The following ENTPD1 variants were observed in gnomAD, a reference collection of about 807,000 sequenced individuals.
ENTPD1 encodes ectonucleoside triphosphate diphosphohydrolase 1.
A neutral mutation model predicts 57.0 loss-of-function variants in ENTPD1; 33 were observed. The observed-to-expected ratio is 0.58, with a 90% CI of 0.44 to 0.77. ENTPD1 has a LOEUF of 0.77. Ranked by LOEUF, ENTPD1 falls within the 30% of genes least tolerant of loss-of-function variation. ENTPD1 has a pLI of 0.00. For missense variants in ENTPD1, 501 were observed against 603.4 expected (o/e 0.83, Z 1.78); for synonymous variants, 202 against 218.8 (o/e 0.92, Z 0.68).
chr10:95,712,092 A>T, intron 1 of ENTPD1: 1 of 1,551,922 alleles, frequency 6.4e-7, no homozygotes, highest in South Asian at 1.1e-5. Flanking sequence ...TTTCATCTCC[A>T]AAACCTTGAT....
chr10:95,850,600 C>T (rs552426644), intron 7 of ENTPD1, among the ~76,000 whole-genome samples: 9 of 152,278 alleles, frequency 5.9e-5, no homozygotes, highest in Middle Eastern at 3.4e-3. Flanking sequence ...AACATATCAA[C>T]TGGCTCACAA....
In ENTPD1 at chr10:95,839,805, A is replaced by G. The variant is rs146324431; in HGVS notation, c.259A>G (p.Lys87Glu). 11 of 1,613,926 alleles carry G rather than the reference A, an allele frequency of 6.8e-6. No individual in the cohort carries two copies. In the African/African-American group the frequency reaches 1.2e-4, roughly 18 times the overall value. Residue 87 changes from lysine to glutamate, a missense_variant, in exon 3 of 10, where the codon AAA becomes GAA. Coordinates refer to ENST00000371205, the MANE Select transcript of ENTPD1 (RefSeq NM_001776.6). ...VVHQVEECRVKGPGISKFVQK... is the reference protein window; with the variant it reads ...VVHQVEECRVEGPGISKFVQK... ...GCATCAAGTAGAAGAATGCAGGGTTAAAGGTAAGATGAAGACCAAGGGAAG... is the reference window on the plus strand; with the variant it reads ...GCATCAAGTAGAAGAATGCAGGGTTGAAGGTAAGATGAAGACCAAGGGAAG...
intron 1 of ENTPD1, among the ~76,000 whole-genome samples, chr10:95,772,365 A>G (rs1356336633): frequency 1.3e-5 from 2 of 152,252 alleles, no homozygotes; most frequent in Non-Finnish European, 2.9e-5. Context: ...ATTGGAGTCA[A>G]TCCTCCTCCA....
At chr10:95,736,272 G>A (rs958607356) in intron 1 of ENTPD1, among the ~76,000 whole-genome samples, 9 of 152,132 alleles carry the variant, frequency 5.9e-5, no homozygotes, top group African/African-American at 2.2e-4. Context: ...AAAGTGCTGG[G>A]ATTACAGATG....
chr10:95,758,106 C>T (rs1047659256), intron 1 of ENTPD1, among the ~76,000 whole-genome samples: 4 of 150,926 alleles, frequency 2.7e-5, no homozygotes, highest in Non-Finnish European at 4.4e-5. Context: ...CATCTCTGAA[C>T]GTCTGTCCCC....
At chr10:95,787,013 A>T (rs553816854) in intron 1 of ENTPD1, among the ~76,000 whole-genome samples, 3 of 152,308 alleles carry the variant, frequency 2.0e-5, no homozygotes, top group Admixed American at 2.0e-4. Context: ...AGAAAAGGTG[A>T]CTTACTCAAG....
chr10:95,873,943 C>A lies in ENTPD1; in HGVS notation c.*7560C>A, dbSNP rs1290603610. On this transcript the variant is annotated 3_prime_UTR_variant, in exon 10 of 10. Coordinates refer to ENST00000371205, the MANE Select transcript of ENTPD1 (RefSeq NM_001776.6). ...CGAGAATAGCACAGAAAAGACTGGC[C>A]TCCATGATTCAATTACCTCCCACTG... Among the ~76,000 whole-genome samples, 2 of 152,150 alleles carry A rather than the reference C, an allele frequency of 1.3e-5. No homozygotes were observed. The highest frequency in any genetic ancestry group is 1.5e-5 in the Non-Finnish European group (1 of 68,028).
intron 2 of ENTPD1, among the ~76,000 whole-genome samples, chr10:95,829,766 T>A (rs927012250): frequency 6.6e-6 from 1 of 152,088 alleles, no homozygotes; most frequent in African/African-American, 2.4e-5. Flanking sequence ...GAATGTTTGA[T>A]CCCTCCAAAA....
In ENTPD1 at chr10:95,730,840, G is replaced by C. The variant is rs184799521; in HGVS notation, c.37+18847G>C. Among the ~76,000 whole-genome samples the C allele has an allele frequency of 1.0e-3, 159 of 152,308 alleles. 2 individuals are homozygous for C. The East Asian group carries it at 0.023, about 22-fold the overall frequency. On this transcript the variant is annotated intron_variant, in intron 1 of 9. Transcript: ENST00000453258. ...GAAGGTATACTAATACCTCACACTT[G>C]TATAACCTTTGTGATTACAGAGCAT...
chr10:95,820,160 A>G (rs1263144490), intron 1 of ENTPD1, among the ~76,000 whole-genome samples: 2 of 152,220 alleles, frequency 1.3e-5, no homozygotes, highest in African/African-American at 4.8e-5. Flanking sequence ...GGATGTGATC[A>G]GGGCTTTTGA....
chr10:95,746,364 G>T (rs779397876), intron 1 of ENTPD1, among the ~76,000 whole-genome samples: 38 of 152,016 alleles, frequency 2.5e-4, no homozygotes, highest in Non-Finnish European at 4.4e-4. Context: ...GATACATTGG[G>T]GTTCAGAAGG....
chr10:95,852,093 C>T (rs374488723), intron 7 of ENTPD1, among the ~76,000 whole-genome samples: 22 of 151,916 alleles, frequency 1.4e-4, no homozygotes, highest in East Asian at 5.8e-4. Context: ...CAGCACCTGT[C>T]GTTTCCTGAC....
At chr10:95,855,619 T>C (rs2098453179) in intron 7 of ENTPD1, among the ~76,000 whole-genome samples, 3 of 152,224 alleles carry the variant, frequency 2.0e-5, no homozygotes, top group Admixed American at 6.5e-5. Flanking sequence ...GGAGCTCTTT[T>C]AGGGCAGGCC....
intron 1 of ENTPD1, among the ~76,000 whole-genome samples, chr10:95,737,057 A>G (rs1322867056): frequency 6.6e-6 from 1 of 152,232 alleles, no homozygotes; most frequent in Non-Finnish European, 1.5e-5. Flanking sequence ...GAGATAAAGT[A>G]GTGGAGCTAG....
chr10:95,703,080 C>A, the ENTPD1 span, among the ~76,000 whole-genome samples: 5 of 151,518 alleles, frequency 3.3e-5, no homozygotes, highest in Non-Finnish European at 4.4e-5. Context: ...CCACCGCGCC[C>A]GGCCTACACC....
upstream of ENTPD1, among the ~76,000 whole-genome samples, chr10:95,709,755 G>GTTTGT (rs111624937): frequency 1.3e-5 from 2 of 150,930 alleles, no homozygotes; most frequent in African/African-American, 4.9e-5. Context: ...GTTTTTTGTT[G>GTTTGT]TTGTTTGTTT....
chr10:95,723,081 G>A (rs1010672885), intron 1 of ENTPD1, among the ~76,000 whole-genome samples: 1 of 152,200 alleles, frequency 6.6e-6, no homozygotes, highest in South Asian at 2.1e-4. Context: ...TAGGAAGGCT[G>A]CGGGTTGTCA....
At position 95,765,279 on chromosome 10, in the gene ENTPD1, G is replaced by T. The variant is rs149326636; in HGVS notation, c.16+9024G>T. ...CTATTGCCTAATCCAAAGTCATGAA[G>T]ATATACATCTATATTTTCTTCAAAG... On this transcript the variant is annotated intron_variant, in intron 1 of 9. Coordinates refer to ENST00000371205, the MANE Select transcript of ENTPD1 (RefSeq NM_001776.6). 3.3e-3 allele frequency among the ~76,000 whole-genome samples: 505 copies of T among 152,232 alleles called. 2 individuals are homozygous for T. Among genetic ancestry groups the T allele is most frequent in the African/African-American group, 0.012 (478 of 41,548 alleles).
chr10:95,708,502 G>T (rs1467504814), upstream of ENTPD1, among the ~76,000 whole-genome samples: 1 of 152,214 alleles, frequency 6.6e-6, no homozygotes, highest in African/African-American at 2.4e-5. Context: ...ATGAGCTGCT[G>T]CGCCTGGCCC....
Sources: allele counts gnomAD v4.1 joint callset (sites outside exome capture counted in the v4.1 genomes callset), GRCh38; gene constraint gnomAD v4.1.1; transcripts MANE v1.5; gene names NCBI Gene and HGNC (gene_info 2026-07-23, HGNC 2026-07-21).